PRKCE: variants seen among roughly 807,000 people sequenced by gnomAD.
PRKCE encodes the protein protein kinase C epsilon.
Under a neutral mutation model 85.4 loss-of-function variants are expected in PRKCE, and 16 were observed. The observed-to-expected ratio is 0.19, with a 90% CI of 0.13 to 0.28. PRKCE has a LOEUF of 0.28. Ranked by LOEUF, PRKCE falls within the 10% of genes least tolerant of loss-of-function variation. The pLI is 1.00. For missense variants in PRKCE, 573 were observed against 975.2 expected (o/e 0.59, Z 5.49); for synonymous variants, 388 against 371.5 (o/e 1.04, Z -0.51).
chr2:45,954,486 T>C (rs1345772366), intron 2 of PRKCE, among the ~76,000 whole-genome samples: 1 of 152,228 alleles, frequency 6.6e-6, no homozygotes, highest in African/African-American at 2.4e-5. Context: ...GGGTCTTGCA[T>C]CACTGTTCTG....
chr2:45,744,117 G>C (rs375795104), intron 1 of PRKCE, among the ~76,000 whole-genome samples: 10 of 151,406 alleles, frequency 6.6e-5, no homozygotes, highest in African/African-American at 2.4e-4. Flanking sequence ...CTTGCTTGAT[G>C]TTTCTGAGCT....
At chr2:45,991,363 AT>A (rs80278318) in intron 6 of PRKCE, among the ~76,000 whole-genome samples, 10 of 151,830 alleles carry the variant, frequency 6.6e-5, no homozygotes, top group Middle Eastern at 6.8e-3. Context: ...GAGGACAGAG[AT>A]TTTTTTTTGT....
chr2:45,682,775 C>T (rs1449351895), intron 1 of PRKCE, among the ~76,000 whole-genome samples: 3 of 152,020 alleles, frequency 2.0e-5, no homozygotes, highest in Non-Finnish European at 4.4e-5. Context: ...TTAGTAGAAA[C>T]GGGGTTTCAT....
At chr2:45,887,816 A>T (rs528601394) in intron 2 of PRKCE, among the ~76,000 whole-genome samples, 1 of 152,378 alleles carries the variant, frequency 6.6e-6, no homozygotes, top group African/African-American at 2.4e-5. Flanking sequence ...AATGGCAGCT[A>T]CTGCCAAAAT....
chr2:46,152,694 G>A (rs1676766623), intron 13 of PRKCE, among the ~76,000 whole-genome samples: 1 of 151,466 alleles, frequency 6.6e-6, no homozygotes, highest in African/African-American at 2.4e-5. Context: ...GATTACAGGC[G>A]CCCACCACCA....
chr2:45,783,897 G>A (rs911547070), intron 1 of PRKCE, among the ~76,000 whole-genome samples: 1 of 152,216 alleles, frequency 6.6e-6, no homozygotes, highest in Admixed American at 6.5e-5. Flanking sequence ...GCATAGATCT[G>A]TCTGAAGAAA....
rs1046314882 is a variant in PRKCE, at chr2:46,041,861, C to T, written c.1437+31344C>T. The stretch of plus-strand genomic sequence containing the variant: ...AAAACCAGCCTCCATGTTAACATGT[C>T]GGCTTGAATACTCTTATTTTCCACA... On this transcript the variant is annotated intron_variant, in intron 10 of 14. Coordinates refer to ENST00000306156, the MANE Select transcript of PRKCE (RefSeq NM_005400.3). This position sits in a 1 kb window ranked among gnomAD's most constrained non-coding sequence, Gnocchi z 5.5. Among the ~76,000 whole-genome samples, 11 of 152,302 alleles carry T rather than the reference C, an allele frequency of 7.2e-5. No homozygotes were observed. The highest frequency in any genetic ancestry group is 2.4e-4 in the African/African-American group (10 of 41,560).
At chr2:45,755,196 G>A (rs550550833) in intron 1 of PRKCE, among the ~76,000 whole-genome samples, 7 of 152,124 alleles carry the variant, frequency 4.6e-5, no homozygotes, top group Non-Finnish European at 8.8e-5. Context: ...GTATAAGGTC[G>A]CCAACCACGT....
At chr2:45,834,977 T>C (rs911636482) in intron 1 of PRKCE, among the ~76,000 whole-genome samples, 1 of 152,208 alleles carries the variant, frequency 6.6e-6, no homozygotes, top group Non-Finnish European at 1.5e-5. Flanking sequence ...GTGTTTATCT[T>C]GCTATTATTG....
intron 2 of PRKCE, among the ~76,000 whole-genome samples, chr2:45,870,032 C>T (rs148866503): frequency 7.2e-5 from 11 of 152,194 alleles, no homozygotes; most frequent in Admixed American, 1.3e-4. Context: ...TGGAGGAGCT[C>T]GGTGACTGAG....
At chr2:46,124,427 A>G (rs1673649255) in intron 11 of PRKCE, among the ~76,000 whole-genome samples, 1 of 152,202 alleles carries the variant, frequency 6.6e-6, no homozygotes, top group Non-Finnish European at 1.5e-5. Context: ...AGGAATATGA[A>G]TAGATGGCAA....
At chr2:46,156,786 A>G (rs2104562703) in intron 13 of PRKCE, among the ~76,000 whole-genome samples, 1 of 152,298 alleles carries the variant, frequency 6.6e-6, no homozygotes, top group South Asian at 2.1e-4. Context: ...GTTTGATCAC[A>G]TGCTATTTTT....
intron 5 of PRKCE, among the ~76,000 whole-genome samples, chr2:45,981,107 A>G (rs1333872352): frequency 6.6e-6 from 1 of 152,238 alleles, no homozygotes; most frequent in Non-Finnish European, 1.5e-5. Flanking sequence ...CTAGTTTGGT[A>G]GAGGTAAGGA....
intron 1 of PRKCE, among the ~76,000 whole-genome samples, chr2:45,682,888 T>C (rs964118224): frequency 6.6e-6 from 1 of 152,224 alleles, no homozygotes; most frequent in African/African-American, 2.4e-5. Flanking sequence ...TCTAGTTTTC[T>C]GCCACGGTAA....
At chr2:46,016,364 C>T (rs1222293596) in intron 10 of PRKCE, among the ~76,000 whole-genome samples, 3 of 151,014 alleles carry the variant, frequency 2.0e-5, no homozygotes, top group Non-Finnish European at 3.0e-5. Flanking sequence ...GTTCTCTGGC[C>T]GGTCAGAGAA....
At chr2:46,027,387 C>A (rs1467237885) in intron 10 of PRKCE, among the ~76,000 whole-genome samples, 1 of 151,784 alleles carries the variant, frequency 6.6e-6, no homozygotes, top group Non-Finnish European at 1.5e-5. Context: ...CCAGGGAAGT[C>A]CAAATAGGGA....
At chr2:45,655,846 GAAAAA>G (rs34853762) in intron 1 of PRKCE, among the ~76,000 whole-genome samples, 2 of 66,272 alleles carry the variant, frequency 3.0e-5, no homozygotes, top group African/African-American at 6.8e-5. Flanking sequence ...CCTGTCTCTT[GAAAAA>G]AAAAAAAAAA....
intron 1 of PRKCE, 148 bp from the exon 2 acceptor site, chr2:45,842,852 T>A: frequency 2.7e-6 from 2 of 746,016 alleles, no homozygotes; most frequent in Non-Finnish European, 4.7e-6. Flanking sequence ...CAGGTCTGCA[T>A]CTCACCTAGC....
At chr2:45,715,033 G>C (rs1357451146) in intron 1 of PRKCE, among the ~76,000 whole-genome samples, 2 of 152,210 alleles carry the variant, frequency 1.3e-5, no homozygotes, top group African/African-American at 4.8e-5. Context: ...AAACAGGCTG[G>C]AGTTGTTCCC....
Sources: gnomAD v4.1 joint callset for allele counts (sites outside exome capture counted in the v4.1 genomes callset) on GRCh38, gnomAD v4.1.1 for gene constraint, Gnocchi (gnomAD v3.1) non-coding constraint, MANE v1.5 for transcripts, NCBI Gene and HGNC (gene_info 2026-07-23, HGNC 2026-07-21) for gene names.